PIGN: variants seen among roughly 807,000 people sequenced by gnomAD.
PIGN encodes the protein phosphatidylinositol glycan anchor biosynthesis class N.
PIGN carries 117 observed loss-of-function variants against 125.4 expected under a neutral mutation model. That is an observed-to-expected ratio of 0.93 (90% CI 0.80 to 1.09). PIGN has a LOEUF of 1.09. Ranked by LOEUF, PIGN falls within the 50% of genes least tolerant of loss-of-function variation. The pLI is 0.00. For missense variants in PIGN, 1,075 were observed against 1,094.9 expected (o/e 0.98, Z 0.26); for synonymous variants, 392 against 377.8 (o/e 1.04, Z -0.44).
At position 62,143,344 on chromosome 18, in the gene PIGN, A is replaced by G. The variant is rs2036204683; in HGVS notation, c.925T>C (p.Trp309Arg). 1.3e-6 allele frequency: 2 copies of G among 1,519,268 alleles called. No individual in the cohort carries two copies. The highest frequency in any genetic ancestry group is 1.8e-6 in the Non-Finnish European group (2 of 1,105,908). 94.1% of individuals were successfully genotyped at this position (1,519,268 alleles called of 1,614,324 possible). ...QQFDDAFLKEWRLENWKRLDV... is the reference protein window; with the variant it reads ...QQFDDAFLKERRLENWKRLDV... ...AGCCTCTTCCAATTCTCCAATCTCCACTCTGAAAGATACAATCAGACACAA... is the reference window on the plus strand; with the variant it reads ...AGCCTCTTCCAATTCTCCAATCTCCGCTCTGAAAGATACAATCAGACACAA... Residue 309 changes from tryptophan to arginine, a missense_variant and splice_region_variant, in exon 11 of 31, where the codon TGG becomes CGG. Trp to Arg is a moderately radical substitution (Grantham distance 101). Coordinates refer to ENST00000640252, the MANE Select transcript of PIGN (RefSeq NM_176787.5).
chr18:62,090,814 T>C (rs1034404893), intron 23 of PIGN, among the ~76,000 whole-genome samples: 1 of 151,998 alleles, frequency 6.6e-6, no homozygotes, highest in East Asian at 1.9e-4. Context: ...AATAGAAATA[T>C]ATAAAAGCCA....
chr18:62,048,470 C>T (rs559291594), intron 30 of PIGN, among the ~76,000 whole-genome samples: 1 of 151,906 alleles, frequency 6.6e-6, no homozygotes, highest in South Asian at 2.1e-4. Context: ...AGGGGAAAAA[C>T]AATTTGAATA....
At chr18:62,057,131 T>A (rs1229283436) in intron 30 of PIGN, among the ~76,000 whole-genome samples, 1 of 152,170 alleles carries the variant, frequency 6.6e-6, no homozygotes, top group Non-Finnish European at 1.5e-5. Context: ...CTCTTAGATA[T>A]CACCCATTTT....
chr18:62,059,919 A>C (rs1250525763), intron 30 of PIGN, among the ~76,000 whole-genome samples: 2 of 152,250 alleles, frequency 1.3e-5, no homozygotes, highest in Non-Finnish European at 2.9e-5. Flanking sequence ...TTACAGGTTA[A>C]AATATTAAAT....
intron 4 of PIGN, among the ~76,000 whole-genome samples, chr18:62,158,466 T>C (rs868482859): frequency 6.6e-6 from 1 of 152,146 alleles, no homozygotes; most frequent in East Asian, 1.9e-4. Flanking sequence ...TTAAATTATA[T>C]CCCCAAATTT....
At chr18:62,065,752 T>TA (rs997602316) in intron 30 of PIGN, among the ~76,000 whole-genome samples, 19 of 151,240 alleles carry the variant, frequency 1.3e-4, no homozygotes, top group African/African-American at 2.9e-4. Context: ...AAAATAAAAA[T>TA]AAAAAAAAGA....
At chr18:62,116,414 G>C (rs2035087680) in intron 14 of PIGN, among the ~76,000 whole-genome samples, 1 of 152,052 alleles carries the variant, frequency 6.6e-6, no homozygotes, top group Admixed American at 6.5e-5. Flanking sequence ...AATCTTCCTG[G>C]ACTATTGATG....
intron 30 of PIGN, among the ~76,000 whole-genome samples, chr18:62,051,164 T>G (rs1469316548): frequency 6.6e-6 from 1 of 150,960 alleles, no homozygotes. Context: ...AAAATTCTCT[T>G]TTTTGGTTGT....
intron 23 of PIGN, among the ~76,000 whole-genome samples, chr18:62,023,895 T>C (rs1018468868): frequency 2.0e-5 from 3 of 152,324 alleles, no homozygotes; most frequent in Admixed American, 1.3e-4. Context: ...GAGCTAGCAG[T>C]GAATTGTGTA....
At chr18:62,104,095 GA>G (rs2034548775) in intron 20 of PIGN, among the ~76,000 whole-genome samples, 1 of 152,060 alleles carries the variant, frequency 6.6e-6, no homozygotes, top group African/African-American at 2.4e-5. Context: ...AAGGAGAGTA[GA>G]AATTTCCCCA....
chr18:62,160,894 A>G (rs567886547), intron 4 of PIGN, among the ~76,000 whole-genome samples: 313 of 152,324 alleles, frequency 2.1e-3, no homozygotes, highest in Middle Eastern at 0.017. Context: ...TAAGCAGCTA[A>G]GCCTATCCAT....
chr18:62,180,200 A>T (rs554703867), intron 1 of PIGN, among the ~76,000 whole-genome samples: 1 of 152,336 alleles, frequency 6.6e-6, no homozygotes, highest in East Asian at 1.9e-4. Context: ...GTACAATAGG[A>T]TTGGATAAAA....
intron 23 of PIGN, among the ~76,000 whole-genome samples, chr18:62,019,701 AGCACACTTAG>A (rs2030028595): frequency 6.6e-6 from 1 of 152,208 alleles, no homozygotes; most frequent in East Asian, 1.9e-4. Flanking sequence ...TTCCCAATAT[AGCACACTTAG>A]GATTCTGCTT....
rs1448066534 is a variant in PIGN, at chr18:62,072,835, A to G, written c.2620-110T>C. On this transcript the variant is annotated intron_variant, in intron 29 of 30. Coordinates refer to ENST00000640252, the MANE Select transcript of PIGN (RefSeq NM_176787.5). ...CAGATTTCTGACTCTAAGAATCACTATCTGACTGTAATCAACAAGAATATG... is the reference window on the plus strand; with the variant it reads ...CAGATTTCTGACTCTAAGAATCACTGTCTGACTGTAATCAACAAGAATATG... 4 of 700,786 alleles carry G rather than the reference A, an allele frequency of 5.7e-6. No individual in the cohort carries two copies. In the East Asian group the frequency reaches 8.4e-5, roughly 15 times the overall value. The allele number at this position is 700,786 out of a possible 1,614,324, so 43.4% of individuals were successfully genotyped here. A position where few individuals can be genotyped will look rare whatever the true frequency, so the allele number is the denominator to read the frequency against.
intron 23 of PIGN, among the ~76,000 whole-genome samples, chr18:62,025,478 A>T (rs1282427808): frequency 6.6e-6 from 1 of 152,228 alleles, no homozygotes; most frequent in Non-Finnish European, 1.5e-5. Flanking sequence ...AAGCTTAGCA[A>T]ACATAATGAG....
intron 20 of PIGN, among the ~76,000 whole-genome samples, chr18:62,104,112 C>G (rs1006570080): frequency 1.7e-4 from 26 of 152,062 alleles, no homozygotes; most frequent in African/African-American, 6.0e-4. Flanking sequence ...CCCCATGAAC[C>G]AGGAATCAAA....
intron 23 of PIGN, among the ~76,000 whole-genome samples, chr18:62,030,025 A>T (rs72938010): frequency 0.21 from 32,300 of 152,088 alleles, 3,750 homozygotes; most frequent in East Asian, 0.31. Context: ...TCCTCTCATT[A>T]TTCTCCGGTC....
chr18:62,089,728 A>G (rs1019648290), intron 24 of PIGN, among the ~76,000 whole-genome samples: 3 of 152,182 alleles, frequency 2.0e-5, no homozygotes, highest in Non-Finnish European at 2.9e-5. Context: ...TGAATTATCA[A>G]TAACAATCTA....
intron 8 of PIGN, among the ~76,000 whole-genome samples, chr18:62,147,937 G>C (rs1368355749): frequency 6.6e-6 from 1 of 151,850 alleles, no homozygotes; most frequent in East Asian, 1.9e-4. Context: ...AAAATATATA[G>C]ATATTTTAGA....
Sources: gnomAD v4.1 joint callset for allele counts (sites outside exome capture counted in the v4.1 genomes callset) on GRCh38, gnomAD v4.1.1 for gene constraint, MANE v1.5 for transcripts, NCBI Gene and HGNC (gene_info 2026-07-23, HGNC 2026-07-21) for gene names.